Variants in XKR7 observed in about 807,000 individuals in gnomAD.
The protein encoded by XKR7 is XK-related protein 7.
A neutral mutation model predicts 42.2 loss-of-function variants in XKR7; 11 were observed. That is an observed-to-expected ratio of 0.26 (90% CI 0.16 to 0.43). The LOEUF (loss-of-function observed/expected upper bound fraction) is 0.43, where lower values mean the gene tolerates loss of function less well. Ranked by LOEUF, XKR7 falls within the 20% of genes least tolerant of loss-of-function variation. The pLI, the probability that XKR7 is intolerant of heterozygous loss-of-function variation, is 1.00. For missense variants in XKR7, 710 were observed against 802.2 expected, an observed-to-expected ratio of 0.89 and a Z score of 1.39; for synonymous variants, 346 against 366.4, an observed-to-expected ratio of 0.94 and a Z score of 0.64.
rs1282834440 is a variant in XKR7 at position 31,968,567 on chromosome 20, A to ACAGCGTAGC, written c.394_402dup (p.Ser132_Ala134dup). Reference sequence around the variant, plus strand: ...CCGGGACCCGCCGTCAGCACCAAGGACAGCGTAGCCGGCGGAGCCGCCATC... The same window carrying ACAGCGTAGC: ...CCGGGACCCGCCGTCAGCACCAAGGACAGCGTAGCCAGCGTAGCCGGCGGAGCCGCCATC... On this transcript the variant is annotated inframe_insertion, in exon 1 of 3. Coordinates refer to ENST00000562532, the MANE Select transcript of XKR7 (RefSeq NM_001011718.2). The surrounding 1 kb of genome is among the most constrained non-coding windows in gnomAD (Gnocchi z 4.5). The ACAGCGTAGC allele has an allele frequency of 6.2e-7, 1 of 1,610,542 alleles. No individual in the cohort carries two copies. The highest frequency in any genetic ancestry group is 8.5e-7 in the Non-Finnish European group (1 of 1,179,030).
intron 1 of XKR7, among the ~76,000 whole-genome samples, chr20:31,984,395 A>G (rs1346884896): frequency 1.3e-5 from 2 of 152,158 alleles, no homozygotes; most frequent in African/African-American, 4.8e-5. Flanking sequence ...TGCCGGAATG[A>G]GGTGGCTTGG....
In XKR7 at chr20:32,000,627, GGGTACCAAATAT is replaced by G. The variant is rs1194291894; in HGVS notation, c.*3173_*3184del. ...GGAACAGAAGAGAACAGGATGCTTTGGGTACCAAATATGGCAGGCCCTGCCCTCAGTTACCTC... is the reference window on the plus strand; with the variant it reads ...GGAACAGAAGAGAACAGGATGCTTTGGGCAGGCCCTGCCCTCAGTTACCTC... On this transcript the variant is annotated 3_prime_UTR_variant, in exon 3 of 3. Coordinates refer to ENST00000562532, the MANE Select transcript of XKR7 (RefSeq NM_001011718.2). 1.3e-5 allele frequency: 2 copies of G among 152,312 alleles called. No individual in the cohort carries two copies. Among genetic ancestry groups the G allele is most frequent in the Non-Finnish European group, 2.9e-5 (2 of 68,062 alleles). 9.4% of individuals were successfully genotyped at this position (152,312 alleles called of 1,614,324 possible). A position where few individuals can be genotyped will look rare whatever the true frequency, so the allele number is the denominator to read the frequency against.
rs1466253345 is a variant in XKR7 at position 31,997,689 on chromosome 20, G to T, written c.*232G>T. ...ATTCCCTAAATTCCCCTGACCCAGGGCCTGGGGAATCATCTGGTGCTACAC... is the reference window on the plus strand; with the variant it reads ...ATTCCCTAAATTCCCCTGACCCAGGTCCTGGGGAATCATCTGGTGCTACAC... On this transcript the variant is annotated 3_prime_UTR_variant, in exon 3 of 3. Coordinates refer to ENST00000562532, the MANE Select transcript of XKR7 (RefSeq NM_001011718.2). 1.8e-6 allele frequency: 1 copy of T among 544,750 alleles called. No homozygotes were observed. Among genetic ancestry groups the T allele is most frequent in the East Asian group, 3.0e-5 (1 of 33,142 alleles). The allele number at this position is 544,750 out of a possible 1,614,324, so 33.7% of individuals were successfully genotyped here. A position where few individuals can be genotyped will look rare whatever the true frequency, so the allele number is the denominator to read the frequency against.
chr20:31,977,606 T>C (rs78379652), intron 1 of XKR7, among the ~76,000 whole-genome samples: 3,224 of 152,274 alleles, frequency 0.021, 98 homozygotes, highest in African/African-American at 0.072. Context: ...TGACTATTAT[T>C]ATTGGCCCAA....
intron 1 of XKR7, among the ~76,000 whole-genome samples, chr20:31,993,892 T>A (rs867313842): frequency 1.3e-5 from 2 of 151,884 alleles, no homozygotes; most frequent in Admixed American, 6.6e-5. Flanking sequence ...TCATCCCGGG[T>A]TGGGGCCGGG....
In XKR7 at chr20:31,997,959, G is replaced by A. The variant is rs714604; in HGVS notation, c.*502G>A. On this transcript the variant is annotated 3_prime_UTR_variant, in exon 3 of 3. Coordinates refer to ENST00000562532, the MANE Select transcript of XKR7 (RefSeq NM_001011718.2). The stretch of plus-strand genomic sequence containing the variant: ...GGAGCATTGTGTGGACAGGGATGGC[G>A]TGGCTCCTGTAGCATCTGAGGCCTG... 69,476 of 154,474 alleles carry A rather than the reference G, an allele frequency of 0.45. 18,881 individuals are homozygous for A. Among genetic ancestry groups the A allele is most frequent in the African/African-American group, 0.78 (31,341 of 40,408 alleles). The allele number at this position is 154,474 out of a possible 1,614,324, so 9.6% of individuals were successfully genotyped here. A position where few individuals can be genotyped will look rare whatever the true frequency, so the allele number is the denominator to read the frequency against.
rs768157811 is a variant in XKR7, at chr20:31,968,551, G to T, written c.376G>T (p.Ala126Ser). The T allele has an allele frequency of 3.7e-6, 6 of 1,609,948 alleles. No individual in the cohort carries two copies. In the Admixed American group the frequency reaches 1.0e-4, roughly 27 times the overall value. Residue 126 changes from alanine (A) to serine (S), a missense_variant, in exon 1 of 3, where the codon GCC becomes TCC. By Grantham distance (99) the Ala-to-Ser change is moderately conservative. Transcript: ENST00000562532. The surrounding 1 kb of genome is among the most constrained non-coding windows in gnomAD (Gnocchi z 4.5). ...GGAGCCCGCAGGGTCCCCGGGACCC[G>T]CCGTCAGCACCAAGGACAGCGTAGC... is the stretch of plus-strand genomic sequence containing the variant. ...YSEPAGSPGP[A>S]VSTKDSVAGG... is the part of the protein sequence containing the mutation.
In XKR7 at chr20:32,002,145, C is replaced by T. The variant is rs950157163; in HGVS notation, c.*4688C>T. The T allele has an allele frequency of 2.6e-5, 4 of 152,202 alleles. No homozygotes were observed. Among genetic ancestry groups the T allele is most frequent in the African/African-American group, 9.7e-5 (4 of 41,420 alleles). The allele number at this position is 152,202 out of a possible 1,614,324, so 9.4% of individuals were successfully genotyped here. A position where few individuals can be genotyped will look rare whatever the true frequency, so the allele number is the denominator to read the frequency against. ...GTGGAAAAGGAAGGCCCTGTCCAGG[C>T]CTGGCCTGGTTTCTGGAGACAGAAA... On this transcript the variant is annotated 3_prime_UTR_variant, in exon 3 of 3. Transcript: ENST00000562532.
chr20:31,982,073 T>A (rs1435378569), intron 1 of XKR7, among the ~76,000 whole-genome samples: 1 of 152,216 alleles, frequency 6.6e-6, no homozygotes, highest in East Asian at 1.9e-4. Context: ...CTGGAGCCCA[T>A]GGAACATGCT....
chr20:31,976,975 T>C (rs1440390536), intron 1 of XKR7, among the ~76,000 whole-genome samples: 1 of 152,130 alleles, frequency 6.6e-6, no homozygotes, highest in Non-Finnish European at 1.5e-5. Flanking sequence ...TCTAGTGAGG[T>C]CTATGGTGGG....
At chr20:31,974,448 C>A (rs1375788864) in intron 1 of XKR7, among the ~76,000 whole-genome samples, 1 of 152,176 alleles carries the variant, frequency 6.6e-6, no homozygotes, top group African/African-American at 2.4e-5. Flanking sequence ...CCTGCACCTG[C>A]CACTTTCTGT....
chr20:31,992,116 TCAAAA>T (rs60216803), intron 1 of XKR7, among the ~76,000 whole-genome samples: 4 of 151,944 alleles, frequency 2.6e-5, no homozygotes, highest in Non-Finnish European at 4.4e-5. Context: ...AAACTCTGTC[TCAAAA>T]CAAAACAAAA....
At chr20:31,980,440 A>G (rs1298970400) in intron 1 of XKR7, among the ~76,000 whole-genome samples, 2 of 152,176 alleles carry the variant, frequency 1.3e-5, no homozygotes, top group African/African-American at 4.8e-5. Context: ...TGGGAACCCA[A>G]TGTTTCCTAG....
intron 1 of XKR7, among the ~76,000 whole-genome samples, chr20:31,983,593 C>T (rs1055783390): frequency 2.0e-5 from 3 of 151,996 alleles, no homozygotes; most frequent in Non-Finnish European, 2.9e-5. Context: ...AGAGGGTCCC[C>T]GGGAGGGACA....
rs564093696 is a variant in XKR7 at position 31,999,927 on chromosome 20, T to A, written c.*2470T>A. 1 of 152,400 alleles carries A rather than the reference T, an allele frequency of 6.6e-6. No individual in the cohort carries two copies. Among genetic ancestry groups the A allele is most frequent in the Non-Finnish European group, 1.5e-5 (1 of 68,138 alleles). 9.4% of individuals were successfully genotyped at this position (152,400 alleles called of 1,614,324 possible). On this transcript the variant is annotated 3_prime_UTR_variant, in exon 3 of 3. Transcript: ENST00000562532. ...CCAGGAGACTCCCAAGGGGCAGGGA[T>A]GTGCTGGCAGGGCTTGGCATGGTCT...
In XKR7 at chr20:32,001,102, T is replaced by A. The variant is rs969482448; in HGVS notation, c.*3645T>A. Reference sequence around the variant, plus strand: ...GGGAGCTGGGAATATCCAGGGAAGGTCTCGCTTGCAGTCAACACCCTCCTA... The same window carrying A: ...GGGAGCTGGGAATATCCAGGGAAGGACTCGCTTGCAGTCAACACCCTCCTA... On this transcript the variant is annotated 3_prime_UTR_variant, in exon 3 of 3. Coordinates refer to ENST00000562532, the MANE Select transcript of XKR7 (RefSeq NM_001011718.2). 1.3e-5 allele frequency: 2 copies of A among 152,110 alleles called. No homozygotes were observed. Among genetic ancestry groups the A allele is most frequent in the Non-Finnish European group, 2.9e-5 (2 of 68,018 alleles). The allele number at this position is 152,110 out of a possible 1,614,324, so 9.4% of individuals were successfully genotyped here. A position where few individuals can be genotyped will look rare whatever the true frequency, so the allele number is the denominator to read the frequency against.
At position 31,968,371 on chromosome 20, in the gene XKR7, G is replaced by T. The variant is rs760361184; in HGVS notation, c.196G>T (p.Val66Leu). The T allele has an allele frequency of 1.2e-6, 2 of 1,611,902 alleles. No individual in the cohort carries two copies. Among genetic ancestry groups the T allele is most frequent in the Non-Finnish European group, 1.7e-6 (2 of 1,179,590 alleles). Residue 66 changes from valine (V) to leucine (L), a missense_variant, in exon 1 of 3, where the codon GTG (valine) becomes TTG (leucine). Val to Leu is a conservative substitution (Grantham distance 32). Coordinates refer to ENST00000562532, the MANE Select transcript of XKR7 (RefSeq NM_001011718.2). The surrounding 1 kb of genome is among the most constrained non-coding windows in gnomAD (Gnocchi z 4.5). Reference protein sequence around the residue: ...DCCWVLCALLVFFSDGATDLW... With the variant: ...DCCWVLCALLLFFSDGATDLW... ...CTGCTGGGTGCTGTGCGCGCTGCTC[G>T]TGTTCTTCTCCGACGGTGCCACGGA...
chr20:31,996,845 G>C lies in XKR7; in HGVS notation c.1128G>C (p.Lys376Asn). The C allele has an allele frequency of 6.2e-7, 1 of 1,613,758 alleles. No individual in the cohort carries two copies. Among genetic ancestry groups the C allele is most frequent in the Non-Finnish European group, 8.5e-7 (1 of 1,179,984 alleles). The change falls in exon 3 of 3, where the codon AAG becomes AAC. Residue 376 changes from lysine to asparagine, a missense_variant. Coordinates refer to ENST00000562532, the MANE Select transcript of XKR7 (RefSeq NM_001011718.2). ...ACATCTTCTGCTGGTTCAACGTCAA[G>C]GAGGGCCGCAGCCGCCGCCGCATGA... ...IIYIFCWFNV[K>N]EGRSRRRMTL...
chr20:31,985,141 C>G (rs779999957), intron 1 of XKR7, among the ~76,000 whole-genome samples: 1 of 152,178 alleles, frequency 6.6e-6, no homozygotes, highest in Non-Finnish European at 1.5e-5. Flanking sequence ...GGGGGGATGT[C>G]CTACCCCTGC....
Sources: allele counts gnomAD v4.1 joint callset (sites outside exome capture counted in the v4.1 genomes callset), GRCh38; gene constraint gnomAD v4.1.1; non-coding constraint Gnocchi (gnomAD v3.1); transcripts MANE v1.5; gene names NCBI Gene and HGNC (gene_info 2026-07-23, HGNC 2026-07-21).